Variants in SLC25A42 observed in about 807,000 individuals in gnomAD.
SLC25A42 encodes the protein mitochondrial coenzyme A transporter SLC25A42.
SLC25A42 carries 19 observed loss-of-function variants against 34.7 expected under a neutral mutation model. That is an observed-to-expected ratio of 0.55 (90% CI 0.38 to 0.80). The LOEUF (loss-of-function observed/expected upper bound fraction) is 0.80. Ranked by LOEUF, SLC25A42 falls within the 30% of genes least tolerant of loss-of-function variation. The pLI is 0.00. For synonymous variants in SLC25A42, 205 were observed against 191.2 expected, an observed-to-expected ratio of 1.07 and a Z score of -0.59; for missense variants, 364 against 441.3, an observed-to-expected ratio of 0.82 and a Z score of 1.57.
At position 19,071,403 on chromosome 19, in the gene SLC25A42, G is replaced by GACAC. The variant is rs1374678559; in HGVS notation, c.-35+7292_-35+7295dup. Among the ~76,000 whole-genome samples, 7 of 152,156 alleles carry GACAC rather than the reference G, an allele frequency of 4.6e-5. No homozygotes were observed. The East Asian group carries it at 1.3e-3, about 29-fold the overall frequency. On this transcript the variant is annotated intron_variant, in intron 1 of 7. Transcript: ENST00000318596. The stretch of plus-strand genomic sequence containing the variant: ...TGGTCTCAGAAGGATGGGGAGCATG[G>GACAC]ACACACATCAGACCACCACCAAGTG...
intron 1 of SLC25A42, among the ~76,000 whole-genome samples, chr19:19,082,522 C>A (rs2059686552): frequency 6.6e-6 from 1 of 152,050 alleles, no homozygotes; most frequent in Admixed American, 6.6e-5. Flanking sequence ...GCCACCACAC[C>A]CGACTAATTT....
intron 1 of SLC25A42, among the ~76,000 whole-genome samples, chr19:19,076,518 G>A (rs545603878): frequency 1.2e-4 from 18 of 152,214 alleles, no homozygotes; most frequent in African/African-American, 3.4e-4. Flanking sequence ...AGGAAAGTGG[G>A]AAAGAGCAAG....
chr19:19,070,216 C>T (rs1250357960), intron 1 of SLC25A42, among the ~76,000 whole-genome samples: 2 of 151,278 alleles, frequency 1.3e-5, no homozygotes, highest in Admixed American at 6.6e-5. Flanking sequence ...AGGATGGTCT[C>T]GATCTCCTGA....
chr19:19,064,434 C>T (rs946522012), intron 1 of SLC25A42, among the ~76,000 whole-genome samples: 3 of 137,196 alleles, frequency 2.2e-5, no homozygotes, highest in Non-Finnish European at 3.2e-5. Flanking sequence ...TGACACCGCG[C>T]CCCCACTCAC....
Position 19,111,001 on chromosome 19 carries a change from A to T in SLC25A42, c.*125A>T. 1 of 1,122,574 alleles carries T rather than the reference A, an allele frequency of 8.9e-7. No homozygotes were observed. The highest frequency in any genetic ancestry group is 1.3e-6 in the Non-Finnish European group (1 of 792,414). The allele number at this position is 1,122,574 out of a possible 1,614,324, so 69.5% of individuals were successfully genotyped here. Reference sequence around the variant, plus strand: ...ACATGGGGCGCTTTATGGAACGAGCAGGTGGGCCTGAGGGGCCTGGGCTCA... The same window carrying T: ...ACATGGGGCGCTTTATGGAACGAGCTGGTGGGCCTGAGGGGCCTGGGCTCA... On this transcript the variant is annotated 3_prime_UTR_variant, in exon 8 of 8. Coordinates refer to ENST00000318596, the MANE Select transcript of SLC25A42 (RefSeq NM_178526.5).
In SLC25A42 at chr19:19,109,083, A is replaced by C. The variant is rs778348333; in HGVS notation, c.649+1038A>C. On this transcript the variant is annotated intron_variant, in intron 7 of 7. Transcript: ENST00000318596. The surrounding 1 kb of genome is among the most constrained non-coding windows in gnomAD (Gnocchi z 4.1). ...ATTTATCTGTGGCATGAACAAAACC[A>C]TGTCACCTTTCACAGGTATAAAAAA... 4.6e-5 allele frequency among the ~76,000 whole-genome samples: 7 copies of C among 152,222 alleles called. No homozygotes were observed. Among genetic ancestry groups the C allele is most frequent in the Non-Finnish European group, 7.3e-5 (5 of 68,042 alleles).
At chr19:19,094,229 G>T (rs1472705921) in intron 1 of SLC25A42, among the ~76,000 whole-genome samples, 1 of 152,184 alleles carries the variant, frequency 6.6e-6, no homozygotes, top group Admixed American at 6.5e-5. Context: ...CCTCTTGGAG[G>T]TCCGAGCTGC....
Position 19,111,270 on chromosome 19 carries a change from A to C in SLC25A42, c.*394A>C. ...AGGCTCAGAGCCAGACCGCGCCTGG[A>C]CCTTCTTGTTCTGACTCCACGTGCC... is the stretch of plus-strand genomic sequence containing the variant. On this transcript the variant is annotated 3_prime_UTR_variant, in exon 8 of 8. Transcript: ENST00000318596. 1 of 233,480 alleles carries C rather than the reference A, an allele frequency of 4.3e-6. No individual in the cohort carries two copies. The highest frequency in any genetic ancestry group is 5.4e-5 in the South Asian group (1 of 18,454). The allele number at this position is 233,480 out of a possible 1,614,324, so 14.5% of individuals were successfully genotyped here. A position where few individuals can be genotyped will look rare whatever the true frequency, so the allele number is the denominator to read the frequency against.
At position 19,085,163 on chromosome 19, in the gene SLC25A42, G is replaced by T. The variant is rs370138739; in HGVS notation, c.-34-10928G>T. The stretch of plus-strand genomic sequence containing the variant: ...GGGAAACAGCACCTCACCATGAGGG[G>T]TAAAGAGGAACTACGGTGCCCCCAG... On this transcript the variant is annotated intron_variant, in intron 1 of 7. Transcript: ENST00000318596. Among the ~76,000 whole-genome samples the T allele has an allele frequency of 5.5e-4, 84 of 152,144 alleles. No homozygotes were observed. The South Asian group carries it at 0.017, about 32-fold the overall frequency.
At chr19:19,089,377 A>C (rs1191524791) in intron 1 of SLC25A42, among the ~76,000 whole-genome samples, 4 of 151,774 alleles carry the variant, frequency 2.6e-5, no homozygotes, top group African/African-American at 9.7e-5. Context: ...AGTACAAAAA[A>C]GTTAGCCAGG....
chr19:19,071,213 C>T (rs1229954310), intron 1 of SLC25A42, among the ~76,000 whole-genome samples: 1 of 152,072 alleles, frequency 6.6e-6, no homozygotes, highest in Non-Finnish European at 1.5e-5. Flanking sequence ...CTCCATCCTT[C>T]CCAGACTGGT....
At chr19:19,107,661 AGGGCTG>A in intron 6 of SLC25A42, among the ~76,000 whole-genome samples, 2 of 152,146 alleles carry the variant, frequency 1.3e-5, no homozygotes, top group African/African-American at 4.8e-5. Context: ...AAAAAAGACA[AGGGCTG>A]AGCACTTGCT....
At chr19:19,075,515 G>A (rs1355289582) in intron 1 of SLC25A42, among the ~76,000 whole-genome samples, 1 of 152,196 alleles carries the variant, frequency 6.6e-6, no homozygotes, top group African/African-American at 2.4e-5. Flanking sequence ...TGGCATCCTA[G>A]GTACTCGCGA....
chr19:19,092,906 G>A (rs957957962), intron 1 of SLC25A42, among the ~76,000 whole-genome samples: 20 of 152,136 alleles, frequency 1.3e-4, no homozygotes, highest in Non-Finnish European at 2.8e-4. Context: ...GTTGTGGGGG[G>A]CGGAGTGAAA....
rs373718088 is a variant in SLC25A42, at chr19:19,106,407, G to A, written c.497+22G>A. Reference sequence around the variant, plus strand: ...AAATGTGAGTCCTTACATCGGTGATGCGCATCAGCCCCGGGGGCTCTGTGT... The same window carrying A: ...AAATGTGAGTCCTTACATCGGTGATACGCATCAGCCCCGGGGGCTCTGTGT... On this transcript the variant is annotated intron_variant, in intron 6 of 7. Transcript: ENST00000318596. 70 of 1,591,270 alleles carry A rather than the reference G, an allele frequency of 4.4e-5. No homozygotes were observed. In the African/African-American group the frequency reaches 7.7e-4, roughly 17 times the overall value.
chr19:19,098,665 T>C (rs2059778157), intron 2 of SLC25A42, among the ~76,000 whole-genome samples: 2 of 151,924 alleles, frequency 1.3e-5, no homozygotes, highest in African/African-American at 4.8e-5. Context: ...TCGCCTGTAA[T>C]CCCAACACTT....
intron 2 of SLC25A42, among the ~76,000 whole-genome samples, chr19:19,098,507 G>C (rs1273312023): frequency 8.0e-6 from 1 of 125,724 alleles, no homozygotes; most frequent in African/African-American, 2.8e-5. Flanking sequence ...GAGGTGGGAG[G>C]ATCACCTGAG....
At chr19:19,066,104 G>T (rs952524916) in intron 1 of SLC25A42, among the ~76,000 whole-genome samples, 3 of 152,082 alleles carry the variant, frequency 2.0e-5, no homozygotes, top group African/African-American at 7.2e-5. Context: ...TGATCTGCTC[G>T]CCTCAGCCTC....
At chr19:19,106,171 C>T in intron 5 of SLC25A42, 98 bp from the exon 6 acceptor site, 1 of 1,044,130 alleles carries the variant, frequency 9.6e-7, no homozygotes, top group Non-Finnish European at 1.4e-6. Context: ...CCACCCCTGT[C>T]CCCGCCCCAG....
Sources: gnomAD v4.1 joint callset for allele counts (sites outside exome capture counted in the v4.1 genomes callset) on GRCh38, gnomAD v4.1.1 for gene constraint, Gnocchi (gnomAD v3.1) non-coding constraint, MANE v1.5 for transcripts, NCBI Gene and HGNC (gene_info 2026-07-23, HGNC 2026-07-21) for gene names.